The following HMCN1 variants were observed in gnomAD, a reference collection of about 807,000 sequenced individuals.
HMCN1 encodes hemicentin 1.
Under a neutral mutation model 625.9 loss-of-function variants are expected in HMCN1, and 321 were observed. That is an observed-to-expected ratio of 0.51 (90% CI 0.47 to 0.56). The LOEUF (loss-of-function observed/expected upper bound fraction) is 0.56, where lower values mean the gene tolerates loss of function less well. Ranked by LOEUF, HMCN1 falls within the 20% of genes least tolerant of loss-of-function variation. The pLI, the probability that HMCN1 is intolerant of heterozygous loss-of-function variation, is 0.00. For synonymous variants in HMCN1, 2,425 were observed against 2,417.6 expected, an observed-to-expected ratio of 1.00 and a Z score of -0.09; for missense variants, 6,588 against 6,887.3, an observed-to-expected ratio of 0.96 and a Z score of 1.54.
At chr1:186,004,045 A>T (rs1443561872) in intron 29 of HMCN1, among the ~76,000 whole-genome samples, 1 of 152,186 alleles carries the variant, frequency 6.6e-6, no homozygotes, top group African/African-American at 2.4e-5. Flanking sequence ...CTCCCTATGA[A>T]TGTTGGGAAT....
At chr1:185,933,890 CT>C (rs1667687088) in intron 11 of HMCN1, 66 bp downstream of exon 11, 19 of 1,459,712 alleles carry the variant, frequency 1.3e-5, no homozygotes, top group Non-Finnish European at 1.8e-5. Flanking sequence ...AATTTTTGTC[CT>C]CCCAAGTTGG....
intron 75 of HMCN1, among the ~76,000 whole-genome samples, chr1:186,115,854 C>CA (rs1485750815): frequency 1.1e-5 from 1 of 88,740 alleles, no homozygotes; most frequent in African/African-American, 7.9e-5. Flanking sequence ...GCATTTTCTC[C>CA]ATTTTTTTTT....
intron 2 of HMCN1, among the ~76,000 whole-genome samples, chr1:185,860,091 T>A (rs1262659258): frequency 6.6e-6 from 1 of 152,192 alleles, no homozygotes; most frequent in East Asian, 1.9e-4. Context: ...GGAAAAAGAA[T>A]AAGCTTATTT....
intron 1 of HMCN1, among the ~76,000 whole-genome samples, chr1:185,749,459 A>G (rs116260598): frequency 6.6e-6 from 1 of 152,162 alleles, no homozygotes; most frequent in African/African-American, 2.4e-5. Flanking sequence ...TAAATCTTCA[A>G]AGGGCATCTA....
At chr1:186,137,370 G>A (rs1649668784) in intron 87 of HMCN1, 128 bp from the exon 88 acceptor site, 1 of 1,090,896 alleles carries the variant, frequency 9.2e-7, no homozygotes, top group Non-Finnish European at 1.3e-6. Flanking sequence ...CCTTAAAGGA[G>A]AGCTTCCATA....
intron 11 of HMCN1, among the ~76,000 whole-genome samples, chr1:185,940,844 G>A (rs1668044073): frequency 1.3e-5 from 2 of 151,932 alleles, no homozygotes. Context: ...GCTCACCCCA[G>A]CCTCTACCTC....
At position 185,742,902 on chromosome 1, in the gene HMCN1, G is replaced by A. The variant is rs535440991; in HGVS notation, c.268+7855G>A. Among the ~76,000 whole-genome samples the A allele has an allele frequency of 2.6e-5, 4 of 152,280 alleles. No individual in the cohort carries two copies. The East Asian group carries it at 7.7e-4, about 29-fold the overall frequency. ...CTTAAAGTATAAGGACCAAAGTTTGGTAAATCAGATATTTTAAATGTGTTA... is the reference window on the plus strand; with the variant it reads ...CTTAAAGTATAAGGACCAAAGTTTGATAAATCAGATATTTTAAATGTGTTA... On this transcript the variant is annotated intron_variant, in intron 1 of 106. Coordinates refer to ENST00000271588, the MANE Select transcript of HMCN1 (RefSeq NM_031935.3).
intron 97 of HMCN1, among the ~76,000 whole-genome samples, chr1:186,162,366 T>G (rs1651558150): frequency 2.0e-5 from 3 of 152,182 alleles, no homozygotes; most frequent in Admixed American, 2.0e-4. Flanking sequence ...TGGTTTGAAT[T>G]TCCTCCTGTA....
Position 186,144,633 on chromosome 1 carries a change from C to A in HMCN1, c.14196C>A (p.Pro4732=). ...QRTRGCSDPV[P]QYGGRKCEGS... Reference sequence around the variant, plus strand: ...CAAGGGGCTGCTCCGACCCTGTGCCCCAGTATGGAGGAAGGAAATGCGAAG... The same window carrying A: ...CAAGGGGCTGCTCCGACCCTGTGCCACAGTATGGAGGAAGGAAATGCGAAG... Residue 4732 remains proline (P), a synonymous_variant, in exon 91 of 107, where the codon CCC becomes CCA. Transcript: ENST00000271588. 1 of 1,614,052 alleles carries A rather than the reference C, an allele frequency of 6.2e-7. No homozygotes were observed.
intron 1 of HMCN1, among the ~76,000 whole-genome samples, chr1:185,753,886 A>C (rs540807898): frequency 6.6e-6 from 1 of 152,312 alleles, no homozygotes; most frequent in South Asian, 2.1e-4. Flanking sequence ...CTAAAAATAG[A>C]ATTACCATCT....
chr1:185,895,560 A>T (rs981949027), intron 4 of HMCN1, among the ~76,000 whole-genome samples: 4 of 152,362 alleles, frequency 2.6e-5, no homozygotes, highest in African/African-American at 9.6e-5. Context: ...ATAATTAATT[A>T]TGACTCAGAA....
chr1:186,037,859 A>C, intron 36 of HMCN1, 75 bp from the exon 37 acceptor site: 1 of 905,730 alleles, frequency 1.1e-6, no homozygotes, highest in Non-Finnish European at 1.8e-6. Context: ...AAAAATTATA[A>C]TTTTAATTGA....
chr1:186,095,530 A>G lies in HMCN1; in HGVS notation c.10573+9A>G. ...TATCCTCAAGGTCCTAGGTATGTAA[A>G]CATTGTGGTAAATGTAGAATAATTG... On this transcript the variant is annotated intron_variant, in intron 68 of 106. Transcript: ENST00000271588. The G allele has an allele frequency of 6.2e-7, 1 of 1,611,832 alleles. No individual in the cohort carries two copies. Among genetic ancestry groups the G allele is most frequent in the Non-Finnish European group, 8.5e-7 (1 of 1,178,298 alleles).
intron 4 of HMCN1, among the ~76,000 whole-genome samples, chr1:185,876,122 C>T (rs1047333853): frequency 6.6e-6 from 1 of 151,980 alleles, no homozygotes; most frequent in African/African-American, 2.4e-5. Flanking sequence ...TGTTCATGTA[C>T]ACCTATTGTT....
At chr1:186,075,848 A>G (rs1571313800) in intron 53 of HMCN1, among the ~76,000 whole-genome samples, 1 of 152,144 alleles carries the variant, frequency 6.6e-6, no homozygotes, top group Non-Finnish European at 1.5e-5. Context: ...AAGGGTGGAA[A>G]TTTTAGGTTA....
intron 2 of HMCN1, among the ~76,000 whole-genome samples, chr1:185,852,878 T>A (rs563103775): frequency 3.1e-4 from 47 of 152,214 alleles, no homozygotes; most frequent in South Asian, 2.3e-3. Flanking sequence ...TTTAAAATCA[T>A]TTTCTCAATT....
rs753767956 is a variant in HMCN1 at position 185,933,633 on chromosome 1, C to A, written c.1637C>A (p.Ala546Glu). The A allele has an allele frequency of 6.2e-7, 1 of 1,613,928 alleles. No individual in the cohort carries two copies. Among genetic ancestry groups the A allele is most frequent in the Non-Finnish European group, 8.5e-7 (1 of 1,179,878 alleles). Reference sequence around the variant, plus strand: ...GTTTTAACATGTCTCATCATCAGTGCGGTGGATTACAATCTAACCTGGCAG... The same window carrying A: ...GTTTTAACATGTCTCATCATCAGTGAGGTGGATTACAATCTAACCTGGCAG... ...RAVLTCLIISAVDYNLTWQRN... is the reference protein window; with the variant it reads ...RAVLTCLIISEVDYNLTWQRN... Residue 546 changes from alanine to glutamate, a missense_variant, in exon 11 of 107, where the codon GCG (alanine) becomes GAG (glutamate). By Grantham distance (107) the Ala-to-Glu change is moderately radical (BLOSUM62 -1). Around this residue, in one of 3 missense-constraint regions of HMCN1, gnomAD observed 4,628 missense variants for 4,853.1 expected, o/e 0.95. Transcript: ENST00000271588.
chr1:185,970,362 T>G lies in HMCN1; in HGVS notation c.2240T>G (p.Phe747Cys). ...GATCTTGAGTTGAGGCCCTCAACAT[T>G]CCTCATTATTGACCCTCTCTTGGGA... ...KGDLELRPST[F>C]LIIDPLLGLL... The change falls in exon 15 of 107, where the codon TTC (phenylalanine) becomes TGC (cysteine). Residue 747 changes from phenylalanine to cysteine, a missense_variant. Physicochemically the swap from Phe to Cys is radical, Grantham distance 205. Coordinates refer to ENST00000271588, the MANE Select transcript of HMCN1 (RefSeq NM_031935.3). The G allele has an allele frequency of 6.2e-7, 1 of 1,613,810 alleles. No individual in the cohort carries two copies. The highest frequency in any genetic ancestry group is 8.5e-7 in the Non-Finnish European group (1 of 1,179,698).
intron 4 of HMCN1, among the ~76,000 whole-genome samples, chr1:185,869,097 A>G (rs1663449482): frequency 6.6e-6 from 1 of 152,228 alleles, no homozygotes; most frequent in African/African-American, 2.4e-5. Flanking sequence ...TAATGAGACC[A>G]AAGGAATTTT....
Sources: allele counts gnomAD v4.1 joint callset (sites outside exome capture counted in the v4.1 genomes callset), GRCh38; gene constraint gnomAD v4.1.1; regional missense constraint gnomAD v4.1.1; transcripts MANE v1.5; gene names NCBI Gene and HGNC (gene_info 2026-07-23, HGNC 2026-07-21).